MESP1: variants seen among roughly 807,000 people sequenced by gnomAD.
MESP1 encodes mesoderm posterior protein 1.
A neutral mutation model predicts 15.2 loss-of-function variants in MESP1; 22 were observed. The ratio of observed to expected loss-of-function variants is 1.45; its 90% CI spans 1.04 to 2.07. The LOEUF (loss-of-function observed/expected upper bound fraction) is 2.07. MESP1 is among the 30% of genes most tolerant of loss of function. The pLI, the probability that MESP1 is intolerant of heterozygous loss-of-function variation, is 0.00. For synonymous variants in MESP1, 216 were observed against 192.6 expected (o/e 1.12, Z -1.01); for missense variants, 484 against 411.9 (o/e 1.17, Z -1.51).
At chr15:89,741,155 A>G in the MESP1 span, among the ~76,000 whole-genome samples, 1 of 152,158 alleles carries the variant, frequency 6.6e-6, no homozygotes. Context: ...AAATAAATAA[A>G]TAAGTGTTAA....
the MESP1 span, among the ~76,000 whole-genome samples, chr15:89,737,262 A>C: frequency 6.6e-6 from 1 of 152,194 alleles, no homozygotes; most frequent in African/African-American, 2.4e-5. Flanking sequence ...GAGAAATGGA[A>C]TCTTGGCTAC....
At chr15:89,743,247 G>A in the MESP1 span, 7 of 1,602,022 alleles carry the variant, frequency 4.4e-6, no homozygotes, top group Non-Finnish European at 6.0e-6. Context: ...CGGGAGCTGG[G>A]GAAGTGAGAG....
At chr15:89,740,424 G>T in the MESP1 span, among the ~76,000 whole-genome samples, 2 of 152,186 alleles carry the variant, frequency 1.3e-5, no homozygotes, top group Non-Finnish European at 2.9e-5. Context: ...TGAAGAAGGC[G>T]ATGGTTGACA....
chr15:89,751,075 C>G lies in MESP1; in HGVS notation c.157G>C (p.Ala53Pro), dbSNP rs6496598. ...WGSTPADSPV[A>P]SPARPGTLRD... ...AGGGTGCCTGGCCGCGCGGGGCTCG[C>G]CACGGGGCTGTCGGCTGGGGTGCTG... Residue 53 changes from alanine to proline, a missense_variant, in exon 1 of 2, where the codon GCG becomes CCG. Physicochemically the swap from Ala to Pro is conservative, Grantham distance 27. Coordinates refer to ENST00000300057, the MANE Select transcript of MESP1 (RefSeq NM_018670.4). 0.29 allele frequency: 377,114 copies of G among 1,315,716 alleles called. 58,559 individuals are homozygous for G. The highest frequency in any genetic ancestry group is 0.52 in the African/African-American group (34,130 of 65,234). The allele number at this position is 1,315,716 out of a possible 1,614,324, so 81.5% of individuals were successfully genotyped here.
In MESP1 at chr15:89,751,028, G is replaced by A. The variant is rs114552825; in HGVS notation, c.204C>T (p.Ser68=). The change falls in exon 1 of 2, where the codon TCC becomes TCT. Residue 68 remains serine, a synonymous_variant. Transcript: ENST00000300057. The part of the protein sequence containing the change: ...PGTLRDPRAP[S]VGRRGARSSR... The stretch of plus-strand genomic sequence containing the variant: ...TGCTGCGCGCGCCGCGCCTACCTAC[G>A]GAGGGGGCGCGGGGGTCCCGGAGGG... 3.1e-3 allele frequency: 4,237 copies of A among 1,353,126 alleles called. 141 individuals are homozygous for A. In the African/African-American group the frequency reaches 0.057, roughly 18 times the overall value. The allele number at this position is 1,353,126 out of a possible 1,614,324, so 83.8% of individuals were successfully genotyped here. A position where few individuals can be genotyped will look rare whatever the true frequency, so the allele number is the denominator to read the frequency against.
downstream of MESP1, among the ~76,000 whole-genome samples, chr15:89,746,618 C>T (rs543610025): frequency 3.0e-4 from 44 of 147,218 alleles, 1 homozygote; most frequent in Admixed American, 2.6e-3. Context: ...CACACAGCTC[C>T]GCCTCCACAC....
chr15:89,743,402 G>A, the MESP1 span: 146 of 1,613,522 alleles, frequency 9.0e-5, no homozygotes, highest in Non-Finnish European at 1.1e-4. Flanking sequence ...GGCTGCCACC[G>A]CCCTGGGATC....
At chr15:89,736,504 A>G in the MESP1 span, among the ~76,000 whole-genome samples, 1 of 152,132 alleles carries the variant, frequency 6.6e-6, no homozygotes, top group Non-Finnish European at 1.5e-5. Context: ...AGAGGTTCCC[A>G]TGGGCACTAC....
At chr15:89,737,079 T>C in the MESP1 span, among the ~76,000 whole-genome samples, 1,333 of 152,234 alleles carry the variant, frequency 8.8e-3, 26 homozygotes, top group East Asian at 0.059. Flanking sequence ...GCATGAGCCA[T>C]CGCGCCCGGC....
chr15:89,736,861 G>C, the MESP1 span, among the ~76,000 whole-genome samples: 2 of 148,636 alleles, frequency 1.3e-5, no homozygotes, highest in Admixed American at 1.4e-4. Context: ...GTGCAATCTT[G>C]GCTCACTGCA....
intron 1 of MESP1, 109 bp downstream of exon 1, chr15:89,750,400 G>A: frequency 6.9e-7 from 1 of 1,454,900 alleles, no homozygotes; most frequent in Non-Finnish European, 9.1e-7. Flanking sequence ...GTGGCCAGGT[G>A]GCCAGGCTGC....
the MESP1 span, among the ~76,000 whole-genome samples, chr15:89,740,934 G>A: frequency 2.6e-5 from 4 of 152,080 alleles, no homozygotes; most frequent in African/African-American, 4.8e-5. Context: ...AAGGCCAGGC[G>A]TTCGAGACCA....
Position 89,750,123 on chromosome 15 carries a change from G to A in MESP1, c.*21C>T. The A allele has an allele frequency of 6.2e-7, 1 of 1,612,444 alleles. No homozygotes were observed. The highest frequency in any genetic ancestry group is 8.5e-7 in the Non-Finnish European group (1 of 1,178,628). ...GCCAAAAAGCCTCGGTGCTCACAGA[G>A]ACGGCGTCAGTTGTCCCTTGTCACT... On this transcript the variant is annotated 3_prime_UTR_variant, in exon 2 of 2. Transcript: ENST00000300057.
the MESP1 span, chr15:89,737,501 G>A: frequency 1.3e-6 from 2 of 1,581,680 alleles, no homozygotes; most frequent in African/African-American, 2.7e-5. Context: ...TTACTGGGGT[G>A]ACCTCTACAC....
At chr15:89,747,096 CCACA>C (rs1967982185), downstream of MESP1, among the ~76,000 whole-genome samples, 1 of 63,666 alleles carries the variant, frequency 1.6e-5, no homozygotes, top group Non-Finnish European at 3.5e-5. Context: ...AGCCCCACTG[CCACA>C]TACACACACA....
chr15:89,750,418 G>T, intron 1 of MESP1, 91 bp downstream of exon 1: 1 of 1,457,570 alleles, frequency 6.9e-7, no homozygotes, highest in East Asian at 2.5e-5. Flanking sequence ...TGCCGGCGGG[G>T]AGCAGCAGGG....
chr15:89,737,703 C>T, the MESP1 span: 15 of 1,614,096 alleles, frequency 9.3e-6, no homozygotes. Context: ...GCTGTGTCTC[C>T]AGACCATCCA....
At chr15:89,734,156 A>G in the MESP1 span, among the ~76,000 whole-genome samples, 1 of 152,174 alleles carries the variant, frequency 6.6e-6, no homozygotes, top group Non-Finnish European at 1.5e-5. Flanking sequence ...GCTCCGCCCC[A>G]AACACCTTAT....
chr15:89,733,220 G>T, the MESP1 span: 2 of 1,611,924 alleles, frequency 1.2e-6, no homozygotes, highest in African/African-American at 1.3e-5. Context: ...TTGTTGAGAG[G>T]TCAGTAGCTT....
Sources: gnomAD v4.1 joint callset for allele counts (sites outside exome capture counted in the v4.1 genomes callset) on GRCh38, gnomAD v4.1.1 for gene constraint, MANE v1.5 for transcripts, NCBI Gene and HGNC (gene_info 2026-07-23, HGNC 2026-07-21) for gene names.